TUT4: variants seen among roughly 807,000 people sequenced by gnomAD.
TUT4 encodes terminal uridylyl transferase 4.
Under a neutral mutation model 192.2 loss-of-function variants are expected in TUT4, and 36 were observed. The observed-to-expected ratio is 0.19, with a 90% CI of 0.14 to 0.25. The LOEUF (loss-of-function observed/expected upper bound fraction) is 0.25, where lower values mean the gene tolerates loss of function less well. TUT4 is among the 10% of genes least tolerant of loss of function. The probability of loss-of-function intolerance (pLI) is 1.00; values close to 1 mark genes in which losing one functional copy is unlikely to be tolerated. For missense variants in TUT4, 1,493 were observed against 1,957.2 expected (o/e 0.76, Z 4.47); for synonymous variants, 618 against 666.0 (o/e 0.93, Z 1.11).
At chr1:52,553,338 G>A (rs1396118303), upstream of TUT4, 3 of 151,446 alleles carry the variant, frequency 2.0e-5, no homozygotes, top group Non-Finnish European at 4.4e-5. Context: ...ACACCGGGGC[G>A]GGGGAGGGGG....
intron 27 of TUT4, chr1:52,432,297 C>T (rs1317945053): frequency 2.0e-5 from 3 of 151,938 alleles, no homozygotes; most frequent in African/African-American, 7.3e-5. Flanking sequence ...AGAAATCAGT[C>T]TGATACAAGA....
In TUT4 at chr1:52,515,935, C is replaced by CT. The variant is rs1678608563; in HGVS notation, c.837dup (p.Ala280SerfsTer14). 1 of 1,613,452 alleles carries CT rather than the reference C, an allele frequency of 6.2e-7. No individual in the cohort carries two copies. Among genetic ancestry groups the CT allele is most frequent in the Non-Finnish European group, 8.5e-7 (1 of 1,179,906 alleles). The stretch of plus-strand genomic sequence containing the variant: ...TGATCTCTTTCTAAGCGTTCTTCTG[C>CT]TTGTTTCAACCCCAGCCTCTGCTCA... On this transcript the variant is annotated frameshift_variant, in exon 3 of 30. Coordinates refer to ENST00000257177, the MANE Select transcript of TUT4 (RefSeq NM_001009881.3). LOFTEE classifies it high-confidence loss of function.
chr1:52,537,374 G>T (rs1031126390), intron 1 of TUT4, among the ~76,000 whole-genome samples: 2 of 151,984 alleles, frequency 1.3e-5, no homozygotes, highest in African/African-American at 4.8e-5. Context: ...GTCAAAAAAG[G>T]TTACAAAACA....
intron 24 of TUT4, among the ~76,000 whole-genome samples, chr1:52,444,847 T>C (rs1466762577): frequency 1.3e-5 from 2 of 151,348 alleles, no homozygotes; most frequent in Admixed American, 6.6e-5. Context: ...CACTCTATTA[T>C]GGGACCTTGT....
rs1667461163 is a variant in TUT4, at chr1:52,477,715, G to A, written c.2016C>T (p.Ala672=). 6.2e-7 allele frequency: 1 copy of A among 1,607,604 alleles called. No homozygotes were observed. Among genetic ancestry groups the A allele is most frequent in the South Asian group, 1.1e-5 (1 of 90,146 alleles). ...ENKNWPKRRI[A]IEDPFSVKRN... ...TACAACATATCATCTCACCTTCAAT[G>A]GCTATTCGCCTTTTAGGCCAGTTTT... The change falls in exon 12 of 30, where the codon GCC becomes GCT. Residue 672 remains alanine, a synonymous_variant. Coordinates refer to ENST00000257177, the MANE Select transcript of TUT4 (RefSeq NM_001009881.3).
chr1:52,505,967 A>T (rs1675434648), intron 4 of TUT4, among the ~76,000 whole-genome samples: 1 of 151,478 alleles, frequency 6.6e-6, no homozygotes. Flanking sequence ...TTCAGGCATG[A>T]GCCACGATGC....
At chr1:52,481,213 A>C (rs530175575) in intron 11 of TUT4, among the ~76,000 whole-genome samples, 1 of 152,220 alleles carries the variant, frequency 6.6e-6, no homozygotes, top group Non-Finnish European at 1.5e-5. Context: ...GATTCAAACA[A>C]CACAAGTTTT....
chr1:52,531,994 T>A (rs1683580335), intron 1 of TUT4, among the ~76,000 whole-genome samples: 1 of 136,530 alleles, frequency 7.3e-6, no homozygotes, highest in Admixed American at 8.1e-5. Context: ...TTCAAGCAAA[T>A]CTCCTGCCTC....
At chr1:52,523,474 G>A (rs908243212) in intron 2 of TUT4, among the ~76,000 whole-genome samples, 2 of 151,942 alleles carry the variant, frequency 1.3e-5, no homozygotes, top group African/African-American at 4.8e-5. Flanking sequence ...GCATGGTGGC[G>A]CACACCTGTA....
intron 8 of TUT4, 23 bp from the exon 9 acceptor site, chr1:52,489,058 T>C (rs766330038): frequency 2.6e-5 from 41 of 1,601,606 alleles, no homozygotes; most frequent in Non-Finnish European, 3.5e-5. Flanking sequence ...AAGAAACAAA[T>C]TTCATTGTAT....
chr1:52,546,163 G>T (rs1332712199), intron 1 of TUT4, among the ~76,000 whole-genome samples: 2 of 151,302 alleles, frequency 1.3e-5, no homozygotes, highest in African/African-American at 2.4e-5. Context: ...AGAAGAAGAA[G>T]AATAAAATTA....
intron 4 of TUT4, among the ~76,000 whole-genome samples, chr1:52,501,846 A>G (rs1674182461): frequency 6.6e-6 from 1 of 152,202 alleles, no homozygotes; most frequent in Non-Finnish European, 1.5e-5. Context: ...GTGAAATAAC[A>G]CTAAAGGATA....
intron 4 of TUT4, among the ~76,000 whole-genome samples, chr1:52,499,026 G>A (rs1174223499): frequency 7.1e-6 from 1 of 139,868 alleles, no homozygotes; most frequent in Non-Finnish European, 1.5e-5. Context: ...ACCCCAAATA[G>A]CCAAAACGAT....
chr1:52,451,851 A>AG (rs987617488), intron 20 of TUT4, among the ~76,000 whole-genome samples: 2 of 151,922 alleles, frequency 1.3e-5, no homozygotes, highest in African/African-American at 4.8e-5. Context: ...TCAAAAAAAA[A>AG]AAAAAGACAC....
intron 24 of TUT4, among the ~76,000 whole-genome samples, chr1:52,445,162 G>A (rs1657177881): frequency 6.6e-6 from 1 of 151,596 alleles, no homozygotes; most frequent in Admixed American, 6.6e-5. Flanking sequence ...CTCCTGCTCT[G>A]AAGCTAAAAC....
intron 7 of TUT4, among the ~76,000 whole-genome samples, chr1:52,491,764 C>CTCCTT (rs141498735): frequency 0.02 from 2,986 of 152,126 alleles, 40 homozygotes; most frequent in Non-Finnish European, 0.031. Flanking sequence ...GAAAATTTCT[C>CTCCTT]AATAGTACTT....
chr1:52,438,939 G>A (rs573565511), intron 24 of TUT4, among the ~76,000 whole-genome samples: 2 of 152,110 alleles, frequency 1.3e-5, no homozygotes, highest in Non-Finnish European at 2.9e-5. Context: ...GCATGGTGGC[G>A]TGTGCCTGTA....
intron 1 of TUT4, among the ~76,000 whole-genome samples, chr1:52,540,026 G>A (rs1396103192): frequency 1.3e-5 from 2 of 151,034 alleles, no homozygotes; most frequent in East Asian, 3.9e-4. Flanking sequence ...AGACCATCCT[G>A]GCTAACAAGG....
chr1:52,461,223 C>A lies in TUT4; in HGVS notation c.3232G>T (p.Ala1078Ser), dbSNP rs867692711. 6.3e-7 allele frequency: 1 copy of A among 1,595,686 alleles called. No homozygotes were observed. The highest frequency in any genetic ancestry group is 8.5e-7 in the Non-Finnish European group (1 of 1,172,456). ...EGDISLYNTL[A>S]QHNTRMLATY... ...GCTAGCATTCTTGTGTTATGTTGAG[C>A]CTGAAAAATAATTACATATTTGAAA... Residue 1078 changes from alanine (A) to serine (S), a missense_variant and splice_region_variant, in exon 19 of 30, where the codon GCT becomes TCT. Ala to Ser is a moderately conservative substitution (Grantham distance 99). Coordinates refer to ENST00000257177, the MANE Select transcript of TUT4 (RefSeq NM_001009881.3).
Sources: allele counts gnomAD v4.1 joint callset (sites outside exome capture counted in the v4.1 genomes callset), GRCh38; gene constraint gnomAD v4.1.1; transcripts MANE v1.5; gene names NCBI Gene and HGNC (gene_info 2026-07-23, HGNC 2026-07-21).